Variants in CSRP1 observed in about 807,000 individuals in gnomAD.
CSRP1 encodes the protein cysteine and glycine-rich protein 1.
In CSRP1, 16 loss-of-function variants were observed where a neutral mutation model predicts 25.4. The observed-to-expected ratio is 0.63, with a 90% CI of 0.43 to 0.96. CSRP1 has a LOEUF of 0.96. Among genes scored for constraint, CSRP1 ranks in the 40% least tolerant of loss-of-function variants. CSRP1 has a pLI of 0.00. For missense variants in CSRP1, 212 were observed against 243.6 expected (o/e 0.87, Z 0.86); for synonymous variants, 97 against 95.3 (o/e 1.02, Z -0.10).
chr1:201,494,408 G>T (rs1230527078), intron 2 of CSRP1, among the ~76,000 whole-genome samples: 5 of 152,168 alleles, frequency 3.3e-5, no homozygotes, highest in Non-Finnish European at 7.3e-5. Flanking sequence ...AAGATAAACG[G>T]CTTGGAAATT....
intron 1 of CSRP1, among the ~76,000 whole-genome samples, chr1:201,503,759 C>G (rs1664734853): frequency 6.6e-6 from 1 of 152,192 alleles, no homozygotes; most frequent in Non-Finnish European, 1.5e-5. Flanking sequence ...AGTCGGAACC[C>G]AGGACCCCTC....
chr1:201,487,705 C>T (rs1215627906), intron 4 of CSRP1: 3 of 152,178 alleles, frequency 2.0e-5, no homozygotes, highest in South Asian at 2.1e-4. Context: ...ACAGTAGTAA[C>T]AGCAGTAAGA....
intron 1 of CSRP1, among the ~76,000 whole-genome samples, chr1:201,497,269 G>T (rs1301522765): frequency 1.5e-5 from 2 of 137,572 alleles, no homozygotes; most frequent in Admixed American, 1.7e-4. Flanking sequence ...TGAGGCAGGA[G>T]AATCACTTGA....
chr1:201,488,733 A>C (rs1664229029), intron 4 of CSRP1, 122 bp downstream of exon 4: 3 of 1,132,832 alleles, frequency 2.6e-6, no homozygotes, highest in Non-Finnish European at 2.5e-6. Flanking sequence ...CAAAGAGAAG[A>C]GGTTAAACCC....
intron 1 of CSRP1, among the ~76,000 whole-genome samples, chr1:201,500,398 C>G (rs1042086951): frequency 1.3e-5 from 2 of 152,284 alleles, no homozygotes; most frequent in African/African-American, 4.8e-5. Flanking sequence ...CCACATCCAG[C>G]AGGGCCCCAG....
intron 2 of CSRP1, among the ~76,000 whole-genome samples, chr1:201,494,620 C>T (rs368668797): frequency 1.3e-5 from 2 of 152,214 alleles, no homozygotes; most frequent in Non-Finnish European, 2.9e-5. Context: ...GTCTACCTAG[C>T]GACAGGCAGA....
At chr1:201,498,120 A>G (rs991356761) in intron 1 of CSRP1, among the ~76,000 whole-genome samples, 3 of 152,240 alleles carry the variant, frequency 2.0e-5, no homozygotes, top group African/African-American at 2.4e-5. Context: ...CAGCACACAG[A>G]AGTCCAAGTG....
intron 3 of CSRP1, 97 bp from the exon 4 acceptor site, chr1:201,489,081 A>G (rs1311001503): frequency 6.6e-7 from 1 of 1,505,806 alleles, no homozygotes; most frequent in Non-Finnish European, 9.1e-7. Context: ...CTCATGCCAG[A>G]GCAGCGCGCA....
intron 4 of CSRP1, chr1:201,487,822 A>T (rs559122004): frequency 1.3e-5 from 2 of 152,344 alleles, no homozygotes; most frequent in Admixed American, 6.5e-5. Flanking sequence ...CAGTTTCTTC[A>T]TCTGTACAAC....
intron 1 of CSRP1, 24 bp from the exon 2 acceptor site, chr1:201,496,328 A>T: frequency 1.3e-6 from 2 of 1,547,568 alleles, no homozygotes; most frequent in Non-Finnish European, 1.8e-6. Context: ...CAGAAATGGG[A>T]ATTAATTTTA....
At chr1:201,493,284 G>A (rs540114004) in intron 2 of CSRP1, among the ~76,000 whole-genome samples, 31 of 152,214 alleles carry the variant, frequency 2.0e-4, no homozygotes, top group East Asian at 9.6e-4. Context: ...TCTTCCTCCC[G>A]CCCATTCAGA....
intron 4 of CSRP1, 168 bp from the exon 5 acceptor site, chr1:201,485,544 G>C: frequency 1.6e-6 from 1 of 614,486 alleles, no homozygotes; most frequent in African/African-American, 1.8e-5. Context: ...GGCAGTAGAG[G>C]GAGAAGGCCA....
rs1169487408 is a variant in CSRP1, at chr1:201,501,633, G to T, written c.-1-5329C>A. Reference sequence around the variant, plus strand: ...TTGAGACAAGAAAGCCAAGGTGGCAGCTCTTACAGCAGCAGCAAAAGGAGA... The same window carrying T: ...TTGAGACAAGAAAGCCAAGGTGGCATCTCTTACAGCAGCAGCAAAAGGAGA... On this transcript the variant is annotated intron_variant, in intron 1 of 5. Transcript: ENST00000340006. Among the ~76,000 whole-genome samples the T allele has an allele frequency of 2.0e-5, 3 of 152,234 alleles. No individual in the cohort carries two copies. In the South Asian group the frequency reaches 6.2e-4, roughly 32 times the overall value.
Position 201,488,882 on chromosome 1 carries a change from A to G in CSRP1, c.384T>C (p.Ala128=). ...RCPRCSQAVY[A]AEKVIGAGKS... The stretch of plus-strand genomic sequence containing the variant: ...TCCCAGCACCAATCACCTTCTCCGC[A>G]GCATAGACTGCCTGGCTGCATCGGG... Residue 128 remains alanine, a synonymous_variant, in exon 4 of 6, where the codon GCT becomes GCC. Transcript: ENST00000340006. 6.2e-7 allele frequency: 1 copy of G among 1,614,126 alleles called. No individual in the cohort carries two copies.
At chr1:201,491,060 T>C (rs1664324305) in intron 2 of CSRP1, 1 of 152,172 alleles carries the variant, frequency 6.6e-6, no homozygotes, top group Non-Finnish European at 1.5e-5. Flanking sequence ...GGGATTGCAA[T>C]GGTCTGAGCT....
At chr1:201,506,060 G>A (rs552184717) in intron 1 of CSRP1, among the ~76,000 whole-genome samples, 1 of 152,308 alleles carries the variant, frequency 6.6e-6, no homozygotes, top group Non-Finnish European at 1.5e-5. Context: ...AAGTTAAATA[G>A]TTTGTCCAAG....
chr1:201,495,965 C>T, intron 2 of CSRP1: 1 of 453,758 alleles, frequency 2.2e-6, no homozygotes, highest in South Asian at 5.3e-5. Context: ...AGCCCCTGAA[C>T]GCCTGCCACC....
At chr1:201,492,521 T>C (rs923306999) in intron 2 of CSRP1, 1 of 151,700 alleles carries the variant, frequency 6.6e-6, no homozygotes, top group African/African-American at 2.4e-5. Context: ...TACCATATCA[T>C]GGTAAGCCAA....
At chr1:201,496,967 C>A (rs1408809939) in intron 1 of CSRP1, among the ~76,000 whole-genome samples, 2 of 152,162 alleles carry the variant, frequency 1.3e-5, no homozygotes, top group African/African-American at 4.8e-5. Context: ...TATAATTATT[C>A]TTTGAACTGT....
Sources: allele counts gnomAD v4.1 joint callset (sites outside exome capture counted in the v4.1 genomes callset), GRCh38; gene constraint gnomAD v4.1.1; transcripts MANE v1.5; gene names NCBI Gene and HGNC (gene_info 2026-07-23, HGNC 2026-07-21).